Variants in GRID1 observed in about 807,000 individuals in gnomAD.
GRID1 encodes the protein glutamate receptor ionotropic, delta-1.
GRID1 carries 28 observed loss-of-function variants against 98.0 expected under a neutral mutation model. The observed-to-expected ratio is 0.29, with a 90% CI of 0.21 to 0.39. The LOEUF (loss-of-function observed/expected upper bound fraction) is 0.39, where lower values mean the gene tolerates loss of function less well. Ranked by LOEUF, GRID1 falls within the 10% of genes least tolerant of loss-of-function variation. GRID1 has a pLI of 1.00. For missense variants in GRID1, 1,111 were observed against 1,340.5 expected (o/e 0.83, Z 2.67); for synonymous variants, 553 against 538.5 (o/e 1.03, Z -0.37).
chr10:86,274,708 T>C (rs1477314169), intron 2 of GRID1, among the ~76,000 whole-genome samples: 2 of 152,004 alleles, frequency 1.3e-5, no homozygotes, highest in East Asian at 3.9e-4. Context: ...TTTGGCTCTC[T>C]GTTTGTCTGT....
intron 2 of GRID1, among the ~76,000 whole-genome samples, chr10:86,238,181 T>C (rs1346665307): frequency 6.6e-6 from 1 of 152,240 alleles, no homozygotes; most frequent in Non-Finnish European, 1.5e-5. Flanking sequence ...CAAATGTTGA[T>C]AGCCAAGATA....
At chr10:85,832,239 G>A (rs1480953017) in intron 8 of GRID1, among the ~76,000 whole-genome samples, 2 of 152,058 alleles carry the variant, frequency 1.3e-5, no homozygotes, top group Non-Finnish European at 2.9e-5. Context: ...ATTTAAGAAA[G>A]AAGTTGCAGC....
chr10:85,754,664 C>T (rs1468996671), intron 8 of GRID1, among the ~76,000 whole-genome samples: 1 of 152,138 alleles, frequency 6.6e-6, no homozygotes, highest in Admixed American at 6.5e-5. Flanking sequence ...ATACTCTTTT[C>T]CCCAAAAACT....
intron 4 of GRID1, among the ~76,000 whole-genome samples, chr10:86,086,041 C>T (rs1844050528): frequency 1.3e-5 from 2 of 152,150 alleles, no homozygotes; most frequent in South Asian, 2.1e-4. Flanking sequence ...TGTCCCTTCC[C>T]ATCAGAGTGC....
intron 12 of GRID1, among the ~76,000 whole-genome samples, chr10:85,687,718 A>T (rs924297776): frequency 3.9e-5 from 6 of 152,232 alleles, no homozygotes; most frequent in African/African-American, 9.6e-5. Context: ...AACAGAGAGT[A>T]TGAGACGAGG....
At chr10:85,868,936 C>T (rs754613741) in intron 6 of GRID1, 74 bp downstream of exon 6, 18 of 1,314,694 alleles carry the variant, frequency 1.4e-5, no homozygotes, top group South Asian at 4.8e-5. Flanking sequence ...GAGGCCCCCA[C>T]ATGTCTCCCT....
rs1842542784 is a variant in GRID1 at position 85,599,734 on chromosome 10, A to G, written c.*2539T>C. ...GAGTTGGGAAGTTTTTTTTTTTCCT[A>G]GAGAACTTGCTTGAATATCAATCAT... On this transcript the variant is annotated 3_prime_UTR_variant, in exon 16 of 16. Coordinates refer to ENST00000327946, the MANE Select transcript of GRID1 (RefSeq NM_017551.3). 7.0e-6 allele frequency: 1 copy of G among 143,868 alleles called. No homozygotes were observed. The highest frequency in any genetic ancestry group is 1.5e-5 in the Non-Finnish European group (1 of 66,518). The allele number at this position is 143,868 out of a possible 1,614,324, so 8.9% of individuals were successfully genotyped here. A position where few individuals can be genotyped will look rare whatever the true frequency, so the allele number is the denominator to read the frequency against.
chr10:85,678,583 A>C (rs1841171367), intron 12 of GRID1, among the ~76,000 whole-genome samples: 1 of 152,030 alleles, frequency 6.6e-6, no homozygotes, highest in African/African-American at 2.4e-5. Context: ...TCTCTTCTCT[A>C]CTTGAGTCTC....
intron 3 of GRID1, among the ~76,000 whole-genome samples, chr10:86,184,461 C>CTTTTTTTTTTTTT (rs1198471392): frequency 6.5e-5 from 8 of 123,036 alleles, no homozygotes; most frequent in Non-Finnish European, 1.2e-4. Flanking sequence ...TTTCTTTTTT[C>CTTTTTTTTTTTTT]TTTTTTTTTT....
At position 85,746,704 on chromosome 10, in the gene GRID1, C is replaced by CA. The variant is rs1209804721; in HGVS notation, c.1234-17091dup. Reference sequence around the variant, plus strand: ...CAGTAACTCCCACCAAGGTACCAGGCATGCAAGTGAAGCCCTCTTGAACCC... The same window carrying CA: ...CAGTAACTCCCACCAAGGTACCAGGCAATGCAAGTGAAGCCCTCTTGAACCC... On this transcript the variant is annotated intron_variant, in intron 8 of 15. Coordinates refer to ENST00000327946, the MANE Select transcript of GRID1 (RefSeq NM_017551.3). Among the ~76,000 whole-genome samples the CA allele has an allele frequency of 3.3e-5, 5 of 152,238 alleles. No individual in the cohort carries two copies. In the East Asian group the frequency reaches 9.6e-4, roughly 29 times the overall value.
At chr10:85,834,216 A>G (rs1842893648) in intron 8 of GRID1, among the ~76,000 whole-genome samples, 1 of 152,244 alleles carries the variant, frequency 6.6e-6, no homozygotes, top group Non-Finnish European at 1.5e-5. Flanking sequence ...ATTTTTTAAA[A>G]GAAATCTTGA....
chr10:86,202,374 C>A (rs1356495613), intron 3 of GRID1, among the ~76,000 whole-genome samples: 2 of 152,224 alleles, frequency 1.3e-5, no homozygotes. Flanking sequence ...AACCTTCATC[C>A]AAATTTATTC....
At chr10:86,228,236 C>T (rs1037827114) in intron 2 of GRID1, among the ~76,000 whole-genome samples, 11 of 126,446 alleles carry the variant, frequency 8.7e-5, no homozygotes, top group Admixed American at 7.8e-4. Context: ...TGGATGTGTA[C>T]ATGGGTGGAT....
At chr10:85,827,314 T>C (rs1425183445) in intron 8 of GRID1, among the ~76,000 whole-genome samples, 1 of 152,124 alleles carries the variant, frequency 6.6e-6, no homozygotes, top group Admixed American at 6.6e-5. Context: ...AAAACTCACT[T>C]TGAGAATTTC....
intron 4 of GRID1, among the ~76,000 whole-genome samples, chr10:85,994,920 T>C (rs537580321): frequency 6.6e-6 from 1 of 152,378 alleles, no homozygotes; most frequent in Non-Finnish European, 1.5e-5. Flanking sequence ...TTGGCTTATA[T>C]TTTTAAACAT....
At chr10:85,811,572 A>G (rs1301735239) in intron 8 of GRID1, among the ~76,000 whole-genome samples, 3 of 152,178 alleles carry the variant, frequency 2.0e-5, no homozygotes, top group African/African-American at 4.8e-5. Context: ...TAAAAAATAC[A>G]ATCAAGAGCT....
chr10:85,702,894 G>A (rs926688896), intron 12 of GRID1, among the ~76,000 whole-genome samples: 1 of 150,234 alleles, frequency 6.7e-6, no homozygotes, highest in African/African-American at 2.5e-5. Flanking sequence ...GAAAAGAGGA[G>A]GAAGACGGTG....
At chr10:85,985,222 G>C (rs1842594620) in intron 4 of GRID1, among the ~76,000 whole-genome samples, 1 of 152,178 alleles carries the variant, frequency 6.6e-6, no homozygotes, top group South Asian at 2.1e-4. Context: ...AAGTTGCCAA[G>C]TGAGGAAACT....
intron 13 of GRID1, among the ~76,000 whole-genome samples, chr10:85,645,006 GC>G (rs1351444345): frequency 6.6e-6 from 1 of 152,120 alleles, no homozygotes; most frequent in Non-Finnish European, 1.5e-5. Context: ...AGTTGTTTGA[GC>G]TTTTCTTATT....
Sources: gnomAD v4.1 joint callset for allele counts (sites outside exome capture counted in the v4.1 genomes callset) on GRCh38, gnomAD v4.1.1 for gene constraint, MANE v1.5 for transcripts, NCBI Gene and HGNC (gene_info 2026-07-23, HGNC 2026-07-21) for gene names.